The following ANKS1A variants were observed in gnomAD, a reference collection of about 807,000 sequenced individuals.
ANKS1A encodes ankyrin repeat and sterile alpha motif domain containing 1A.
Under a neutral mutation model 120.3 loss-of-function variants are expected in ANKS1A, and 55 were observed. That is an observed-to-expected ratio of 0.46 (90% confidence interval 0.37 to 0.57). The LOEUF (loss-of-function observed/expected upper bound fraction) is 0.57, where lower values mean the gene tolerates loss of function less well. Ranked by LOEUF, ANKS1A falls within the 20% of genes least tolerant of loss-of-function variation. The pLI is 0.00. For synonymous variants in ANKS1A, 590 were observed against 604.7 expected (o/e 0.98, Z 0.36); for missense variants, 1,123 against 1,480.3 (o/e 0.76, Z 3.96).
intron 14 of ANKS1A, 124 bp downstream of exon 14, chr6:35,078,780 A>C: frequency 1.2e-6 from 1 of 834,068 alleles, no homozygotes; most frequent in South Asian, 1.6e-5. Flanking sequence ...CAGGACCTCT[A>C]CCCCTCACCC....
chr6:35,007,196 A>C (rs915667221), intron 10 of ANKS1A, among the ~76,000 whole-genome samples: 2 of 152,316 alleles, frequency 1.3e-5, no homozygotes, highest in South Asian at 2.1e-4. Context: ...GCGCCTGGGG[A>C]CCAGGAATGC....
intron 1 of ANKS1A, among the ~76,000 whole-genome samples, chr6:34,897,055 A>G (rs1168622585): frequency 1.3e-5 from 2 of 152,322 alleles, no homozygotes; most frequent in East Asian, 3.9e-4. Flanking sequence ...AAGGTGGGAG[A>G]ATTGCTAGAG....
chr6:35,024,902 T>TTGC (rs1274695975), intron 11 of ANKS1A, among the ~76,000 whole-genome samples: 1 of 152,214 alleles, frequency 6.6e-6, no homozygotes, highest in African/African-American at 2.4e-5. Context: ...TCCCACGCCA[T>TTGC]ATTCTGCAAT....
chr6:35,022,201 G>A (rs1774378768), intron 11 of ANKS1A, among the ~76,000 whole-genome samples: 3 of 152,324 alleles, frequency 2.0e-5, no homozygotes, highest in Admixed American at 6.5e-5. Context: ...TGAGCTTTCT[G>A]TTGAACTCCC....
At chr6:35,095,454 G>A (rs560903604), downstream of ANKS1A, among the ~76,000 whole-genome samples, 6 of 151,304 alleles carry the variant, frequency 4.0e-5, no homozygotes, top group African/African-American at 1.2e-4. Context: ...CTACTCAGGA[G>A]GCTGAGGCAG....
chr6:35,020,622 A>G (rs59197908), intron 11 of ANKS1A, among the ~76,000 whole-genome samples: 1,600 of 152,316 alleles, frequency 0.011, 29 homozygotes, highest in African/African-American at 0.036. Flanking sequence ...TTCACAGGAT[A>G]TTTATGTCCT....
intron 3 of ANKS1A, among the ~76,000 whole-genome samples, chr6:34,974,538 CTCTTA>C (rs909796947): frequency 4.0e-5 from 6 of 151,816 alleles, no homozygotes; most frequent in African/African-American, 9.7e-5. Flanking sequence ...TAGGAAGATA[CTCTTA>C]TCTTAGTTTT....
intron 13 of ANKS1A, among the ~76,000 whole-genome samples, chr6:35,064,747 C>T (rs1160858834): frequency 6.6e-6 from 1 of 152,218 alleles, no homozygotes; most frequent in Non-Finnish European, 1.5e-5. Flanking sequence ...TGCCACTGGG[C>T]ACCATTATCA....
intron 1 of ANKS1A, among the ~76,000 whole-genome samples, chr6:34,908,916 C>T (rs1401909713): frequency 6.6e-6 from 1 of 151,846 alleles, no homozygotes; most frequent in Non-Finnish European, 1.5e-5. Context: ...ATTATTGTAC[C>T]ACTAGAAATA....
At chr6:34,935,273 G>A (rs541185088) in intron 1 of ANKS1A, among the ~76,000 whole-genome samples, 5 of 152,282 alleles carry the variant, frequency 3.3e-5, no homozygotes, top group Admixed American at 6.5e-5. Context: ...TTTTTGTAGA[G>A]ACGGGGTCTC....
intron 3 of ANKS1A, among the ~76,000 whole-genome samples, chr6:34,970,923 A>C (rs1771154195): frequency 6.6e-6 from 1 of 152,126 alleles, no homozygotes; most frequent in African/African-American, 2.4e-5. Context: ...ACGGGGGATC[A>C]CTTAAGCCCA....
rs117755179 is a variant in ANKS1A at position 34,939,984 on chromosome 6, A to T, written c.198-27255A>T. 5.9e-5 allele frequency among the ~76,000 whole-genome samples: 9 copies of T among 152,340 alleles called. No homozygotes were observed. In the East Asian group the frequency reaches 1.7e-3, roughly 29 times the overall value. On this transcript the variant is annotated intron_variant, in intron 1 of 23. Coordinates refer to ENST00000360359, the MANE Select transcript of ANKS1A (RefSeq NM_015245.3). ...TTGGGGGAAGCGCTATAGTGTGAGC[A>T]CAATGAATTTTGGTCATCTTGGTCC...
At chr6:34,905,970 AG>A (rs1767626498) in intron 1 of ANKS1A, among the ~76,000 whole-genome samples, 1 of 152,194 alleles carries the variant, frequency 6.6e-6, no homozygotes, top group Admixed American at 6.5e-5. Flanking sequence ...AACAGTACGC[AG>A]GAAACATTGT....
In ANKS1A at chr6:35,086,347, A is replaced by C. The variant is rs997755886; in HGVS notation, c.3303+411A>C. On this transcript the variant is annotated intron_variant, in intron 22 of 23. Transcript: ENST00000360359. This position sits in a 1 kb window ranked among gnomAD's most constrained non-coding sequence, Gnocchi z 5.1. Reference sequence around the variant, plus strand: ...ACCGTCCTTCCTACCTACCGCTGCCATCTGTTAGTCCTGGAGTCAAGGTCT... The same window carrying C: ...ACCGTCCTTCCTACCTACCGCTGCCCTCTGTTAGTCCTGGAGTCAAGGTCT... 7.7e-7 allele frequency: 1 copy of C among 1,298,020 alleles called. No homozygotes were observed. The allele number at this position is 1,298,020 out of a possible 1,614,324, so 80.4% of individuals were successfully genotyped here.
At position 35,084,177 on chromosome 6, in the gene ANKS1A, G is replaced by A; in HGVS notation, c.3051G>A (p.Glu1017=). ...TTTCCTGTGCGGCCCAGGACCCGGA[G>A]GACCTCTGTACCTTTGCCTACATCA... is the stretch of plus-strand genomic sequence containing the variant. ...RNISCAAQDP[E]DLCTFAYITK... is the part of the protein sequence containing the mutation. The change falls in exon 21 of 24, where the codon GAG becomes GAA. Residue 1017 remains glutamate, a synonymous_variant. Coordinates refer to ENST00000360359, the MANE Select transcript of ANKS1A (RefSeq NM_015245.3). The surrounding 1 kb of genome is among the most constrained non-coding windows in gnomAD (Gnocchi z 4.8). 6.2e-7 allele frequency: 1 copy of A among 1,614,232 alleles called. No homozygotes were observed. The highest frequency in any genetic ancestry group is 8.5e-7 in the Non-Finnish European group (1 of 1,180,044).
rs1776209064 is a variant in ANKS1A at position 35,056,146 on chromosome 6, C to G, written c.2077+1981C>G. Among the ~76,000 whole-genome samples, 3 of 152,180 alleles carry G rather than the reference C, an allele frequency of 2.0e-5. No individual in the cohort carries two copies. In the South Asian group the frequency reaches 6.2e-4, roughly 32 times the overall value. ...AGCTGTGAGTCAGAAACAGCCATTGCCTCTTGGATTTGATAAGTCGGGAGA... is the reference window on the plus strand; with the variant it reads ...AGCTGTGAGTCAGAAACAGCCATTGGCTCTTGGATTTGATAAGTCGGGAGA... On this transcript the variant is annotated intron_variant, in intron 12 of 23. Transcript: ENST00000360359.
intron 3 of ANKS1A, among the ~76,000 whole-genome samples, chr6:34,972,923 T>C (rs1771259791): frequency 6.6e-6 from 1 of 152,256 alleles, no homozygotes; most frequent in Non-Finnish European, 1.5e-5. Context: ...AGGACCATAT[T>C]ACATGCTTAA....
intron 1 of ANKS1A, among the ~76,000 whole-genome samples, chr6:34,922,207 T>C (rs1471146094): frequency 6.6e-6 from 1 of 152,140 alleles, no homozygotes; most frequent in Non-Finnish European, 1.5e-5. Flanking sequence ...TTTTAAGCAC[T>C]GTGTTGATGC....
downstream of ANKS1A, among the ~76,000 whole-genome samples, chr6:35,092,759 C>CCT (rs1335095467): frequency 6.6e-6 from 1 of 152,208 alleles, no homozygotes; most frequent in Non-Finnish European, 1.5e-5. Flanking sequence ...CAATCCCTGG[C>CCT]CTCTTCCACT....
Sources: gnomAD v4.1 joint callset for allele counts (sites outside exome capture counted in the v4.1 genomes callset) on GRCh38, gnomAD v4.1.1 for gene constraint, Gnocchi (gnomAD v3.1) non-coding constraint, MANE v1.5 for transcripts, NCBI Gene and HGNC (gene_info 2026-07-23, HGNC 2026-07-21) for gene names.